Variants in CELF1 observed in about 807,000 individuals in gnomAD.
The protein encoded by CELF1 is 50 kDa nuclear polyadenylated RNA-binding protein.
A neutral mutation model predicts 61.8 loss-of-function variants in CELF1; 10 were observed. The ratio of observed to expected loss-of-function variants is 0.16; its 90% CI spans 0.10 to 0.27. The LOEUF (loss-of-function observed/expected upper bound fraction) is 0.27, where lower values mean the gene tolerates loss of function less well. Among genes scored for constraint, CELF1 ranks in the 10% least tolerant of loss-of-function variants. The pLI, the probability that CELF1 is intolerant of heterozygous loss-of-function variation, is 1.00. For missense variants in CELF1, 380 were observed against 639.1 expected, an observed-to-expected ratio of 0.59 and a Z score of 4.37; for synonymous variants, 236 against 225.1, an observed-to-expected ratio of 1.05 and a Z score of -0.43.
At position 47,475,528 on chromosome 11, in the gene CELF1, T is replaced by C. The variant is rs2079600141; in HGVS notation, c.1088-7A>G. The C allele has an allele frequency of 1.9e-6, 3 of 1,613,760 alleles. No individual in the cohort carries two copies. Among genetic ancestry groups the C allele is most frequent in the African/African-American group, 1.3e-5 (1 of 75,040 alleles). On this transcript the variant is annotated splice_polypyrimidine_tract_variant and splice_region_variant and intron_variant, in intron 12 of 14. Transcript: ENST00000687097. ...CCATTTAAAGCAGCCATTCCTTGGTTGGAGGAAGAGAAGGATTAATATACT... is the reference window on the plus strand; with the variant it reads ...CCATTTAAAGCAGCCATTCCTTGGTCGGAGGAAGAGAAGGATTAATATACT...
intron 2 of CELF1, among the ~76,000 whole-genome samples, chr11:47,562,849 C>T (rs1342067251): frequency 2.0e-5 from 3 of 152,034 alleles, no homozygotes; most frequent in South Asian, 2.1e-4. Flanking sequence ...GGATTACAGG[C>T]GCCCACTATT....
chr11:47,565,329 G>T, exon 1 of CELF1: 1 of 206,130 alleles, frequency 4.9e-6, no homozygotes, highest in South Asian at 1.9e-4. Context: ...ACAGGCGGGG[G>T]CCTCAGTTTC....
chr11:47,530,430 T>C (rs767429502), intron 1 of CELF1, among the ~76,000 whole-genome samples: 1 of 152,132 alleles, frequency 6.6e-6, no homozygotes, highest in Non-Finnish European at 1.5e-5. Context: ...AGGACATATA[T>C]CAAGATAGCG....
At position 47,477,587 on chromosome 11, in the gene CELF1, T is replaced by A. The variant is rs147659066; in HGVS notation, c.845-162A>T. ...TACAGGGCTCCAAAAATGATTCATG[T>A]ATCACTCATTAAGAAACTTGAAATC... On this transcript the variant is annotated intron_variant, in intron 10 of 14. Transcript: ENST00000687097. 855 of 613,458 alleles carry A rather than the reference T, an allele frequency of 1.4e-3. 3 individuals are homozygous for A. Among genetic ancestry groups the A allele is most frequent in the Middle Eastern group, 0.012 (27 of 2,222 alleles). 38.0% of individuals were successfully genotyped at this position (613,458 alleles called of 1,614,324 possible). A position where few individuals can be genotyped will look rare whatever the true frequency, so the allele number is the denominator to read the frequency against.
chr11:47,556,887 GTTAT>G (rs762400986), upstream of CELF1, among the ~76,000 whole-genome samples: 10 of 151,926 alleles, frequency 6.6e-5, no homozygotes, highest in Non-Finnish European at 1.0e-4. Flanking sequence ...TCTCTATTTG[GTTAT>G]TTATTTATTT....
intron 1 of CELF1, among the ~76,000 whole-genome samples, chr11:47,528,587 C>G (rs1279306039): frequency 6.6e-6 from 1 of 151,708 alleles, no homozygotes; most frequent in East Asian, 1.9e-4. Context: ...CCACTGCACT[C>G]CAGCATGGAA....
At chr11:47,545,018 C>T (rs1481569245) in intron 1 of CELF1, among the ~76,000 whole-genome samples, 1 of 152,070 alleles carries the variant, frequency 6.6e-6, no homozygotes, top group Non-Finnish European at 1.5e-5. Flanking sequence ...CATGGTGGCT[C>T]ATGCCTGTAA....
intron 1 of CELF1, among the ~76,000 whole-genome samples, chr11:47,547,171 T>C (rs1004332432): frequency 6.6e-6 from 1 of 151,062 alleles, no homozygotes; most frequent in African/African-American, 2.4e-5. Flanking sequence ...TAAACAGTGA[T>C]TTGGATTATC....
At chr11:47,477,241 A>T in intron 11 of CELF1, 56 bp downstream of exon 11, 3 of 1,595,168 alleles carry the variant, frequency 1.9e-6, no homozygotes, top group Non-Finnish European at 2.6e-6. Flanking sequence ...CTGCCTTTAA[A>T]CACAAAGCAT....
chr11:47,529,523 T>C (rs1221085147), intron 1 of CELF1, among the ~76,000 whole-genome samples: 1 of 151,706 alleles, frequency 6.6e-6, no homozygotes, highest in Non-Finnish European at 1.5e-5. Context: ...CTGTCTCTAC[T>C]AAAAATACAA....
intron 13 of CELF1, among the ~76,000 whole-genome samples, chr11:47,473,669 AAGGGGCACGAGGGAATTTCT>A (rs1447859792): frequency 6.6e-6 from 1 of 152,196 alleles, no homozygotes; most frequent in Non-Finnish European, 1.5e-5. Context: ...AATGACTACA[AAGGGGCACGAGGGAATTTCT>A]AGGGGTGATG....
At chr11:47,505,060 C>T (rs1019415479) in intron 1 of CELF1, among the ~76,000 whole-genome samples, 13 of 151,066 alleles carry the variant, frequency 8.6e-5, no homozygotes, top group African/African-American at 3.1e-4. Context: ...ATTTTGAAAA[C>T]GAAAAAGTTT....
intron 1 of CELF1, among the ~76,000 whole-genome samples, chr11:47,536,696 G>C (rs984745038): frequency 1.6e-4 from 25 of 152,106 alleles, no homozygotes; most frequent in Non-Finnish European, 8.8e-5. Context: ...GGAAGCGGGG[G>C]CTGCAGAGCT....
chr11:47,493,859 C>G (rs1391660602), intron 3 of CELF1, among the ~76,000 whole-genome samples: 1 of 152,156 alleles, frequency 6.6e-6, no homozygotes, highest in Admixed American at 6.5e-5. Flanking sequence ...TGAAGAGAAA[C>G]AACACTCTCC....
chr11:47,539,897 G>C (rs1480429406), intron 1 of CELF1, among the ~76,000 whole-genome samples: 1 of 152,164 alleles, frequency 6.6e-6, no homozygotes, highest in Non-Finnish European at 1.5e-5. Context: ...GCCTGAACTT[G>C]GCTGCATACC....
At chr11:47,496,458 A>T (rs906438350) in intron 3 of CELF1, among the ~76,000 whole-genome samples, 2 of 152,226 alleles carry the variant, frequency 1.3e-5, no homozygotes, top group South Asian at 2.1e-4. Context: ...AGACTGAGCA[A>T]TATGTGCCCT....
intron 1 of CELF1, among the ~76,000 whole-genome samples, chr11:47,512,919 GCTAAACAGA>G (rs1417675430): frequency 6.6e-6 from 1 of 152,100 alleles, no homozygotes; most frequent in African/African-American, 2.4e-5. Flanking sequence ...AATGCTTTAG[GCTAAACAGA>G]CTAAACTTTA....
At chr11:47,543,342 T>G (rs1308902531) in intron 1 of CELF1, among the ~76,000 whole-genome samples, 2 of 151,982 alleles carry the variant, frequency 1.3e-5, no homozygotes, top group Non-Finnish European at 2.9e-5. Flanking sequence ...AGGTTGAGGC[T>G]ACAGTGAGCC....
intron 1 of CELF1, among the ~76,000 whole-genome samples, chr11:47,515,534 G>C (rs1437640889): frequency 6.6e-6 from 1 of 152,132 alleles, no homozygotes; most frequent in Non-Finnish European, 1.5e-5. Context: ...CAGCCCACTT[G>C]TGCAGCTCAT....
Sources: gnomAD v4.1 joint callset for allele counts (sites outside exome capture counted in the v4.1 genomes callset) on GRCh38, gnomAD v4.1.1 for gene constraint, MANE v1.5 for transcripts, NCBI Gene and HGNC (gene_info 2026-07-23, HGNC 2026-07-21) for gene names.